ANXA8: variants seen among roughly 807,000 people sequenced by gnomAD.
ANXA8 encodes the protein annexin A8, also known as VAC-beta.
In ANXA8, 9 loss-of-function variants were observed where a neutral mutation model predicts 26.8. The observed-to-expected ratio is 0.34, with a 90% CI of 0.20 to 0.59. The LOEUF (loss-of-function observed/expected upper bound fraction) is 0.59. Ranked by LOEUF, ANXA8 falls within the 20% of genes least tolerant of loss-of-function variation. ANXA8 has a pLI of 0.84. For missense variants in ANXA8, 83 were observed against 238.5 expected (o/e 0.35, Z 4.29); for synonymous variants, 39 against 94.8 (o/e 0.41, Z 3.42).
the ANXA8 span, among the ~76,000 whole-genome samples, chr10:47,674,554 T>C: frequency 2.6e-3 from 396 of 151,672 alleles, 10 homozygotes; most frequent in African/African-American, 9.4e-3. Flanking sequence ...AAAGTTACTC[T>C]TTTTTCTCCT....
the ANXA8 span, among the ~76,000 whole-genome samples, chr10:47,646,173 T>G: frequency 6.8e-6 from 1 of 146,732 alleles, no homozygotes; most frequent in East Asian, 1.9e-4. Context: ...TCTGTCTTAG[T>G]TATCTATCTC....
At chr10:47,709,443 T>A in the ANXA8 span, among the ~76,000 whole-genome samples, 3 of 150,792 alleles carry the variant, frequency 2.0e-5, no homozygotes, top group South Asian at 4.1e-4. Context: ...GCAAAACTCA[T>A]CAGCCTGTAC....
chr10:47,624,139 G>T, the ANXA8 span, among the ~76,000 whole-genome samples: 5 of 102,870 alleles, frequency 4.9e-5, 1 homozygote, highest in Admixed American at 1.0e-4. Context: ...CTACTCGGGA[G>T]GCTGAGGCAG....
the ANXA8 span, among the ~76,000 whole-genome samples, chr10:47,891,593 GAAAAA>G: frequency 0.42 from 1,121 of 2,674 alleles, 57 homozygotes; most frequent in Middle Eastern, 0.67. Flanking sequence ...CAAATAAATA[GAAAAA>G]AAAAAAAAAA....
the ANXA8 span, among the ~76,000 whole-genome samples, chr10:47,894,934 A>C: frequency 6.6e-5 from 10 of 151,888 alleles, no homozygotes; most frequent in African/African-American, 2.2e-4. Context: ...CACACACCAC[A>C]TAACACAGCA....
chr10:47,929,842 A>T, the ANXA8 span, among the ~76,000 whole-genome samples: 1 of 151,348 alleles, frequency 6.6e-6, no homozygotes, highest in Non-Finnish European at 1.5e-5. Flanking sequence ...CTCCCTACTG[A>T]GATCATGGCA....
the ANXA8 span, among the ~76,000 whole-genome samples, chr10:47,570,338 A>G: frequency 5.3e-5 from 3 of 56,802 alleles, no homozygotes; most frequent in African/African-American, 1.6e-4. Flanking sequence ...GAATGTTAAT[A>G]GTTACTTAAT....
the ANXA8 span, among the ~76,000 whole-genome samples, chr10:47,625,792 C>A: frequency 2.0e-3 from 304 of 150,504 alleles, 6 homozygotes; most frequent in African/African-American, 7.3e-3. Context: ...TTCGCCGTAG[C>A]CACCATGATG....
the ANXA8 span, among the ~76,000 whole-genome samples, chr10:47,668,713 A>AT: frequency 6.7e-6 from 1 of 150,340 alleles, no homozygotes; most frequent in Non-Finnish European, 1.5e-5. Flanking sequence ...TTCCTTTTCT[A>AT]TTTTTTGTTT....
chr10:47,527,580 C>T, the ANXA8 span, among the ~76,000 whole-genome samples: 66 of 148,152 alleles, frequency 4.5e-4, no homozygotes, highest in African/African-American at 1.6e-3. Flanking sequence ...ATGTATTATC[C>T]CAATGCAGAG....
the ANXA8 span, among the ~76,000 whole-genome samples, chr10:47,655,684 G>A: frequency 1.8e-4 from 28 of 151,958 alleles, no homozygotes; most frequent in African/African-American, 5.3e-4. Context: ...TAGAGACAAC[G>A]TTCCCAAGTC....
At chr10:47,967,979 A>AT in the ANXA8 span, among the ~76,000 whole-genome samples, 5 of 149,878 alleles carry the variant, frequency 3.3e-5, no homozygotes, top group Non-Finnish European at 7.5e-5. Flanking sequence ...GTGCAAAAAA[A>AT]AAACCTATAT....
chr10:47,942,590 G>C, the ANXA8 span, among the ~76,000 whole-genome samples: 1 of 142,482 alleles, frequency 7.0e-6, no homozygotes, highest in Non-Finnish European at 1.5e-5. Flanking sequence ...AGAAATACAC[G>C]TGTTTGGACA....
chr10:47,593,707 C>G, the ANXA8 span, among the ~76,000 whole-genome samples: 1 of 149,388 alleles, frequency 6.7e-6, no homozygotes, highest in Non-Finnish European at 1.5e-5. Flanking sequence ...ACATACACCA[C>G]TGTCATACTT....
chr10:47,667,225 GA>G, the ANXA8 span, among the ~76,000 whole-genome samples: 1 of 151,998 alleles, frequency 6.6e-6, no homozygotes, highest in African/African-American at 2.4e-5. Flanking sequence ...TATGTTTTCT[GA>G]AAACACTTTA....
the ANXA8 span, among the ~76,000 whole-genome samples, chr10:47,699,837 A>T: frequency 6.6e-6 from 1 of 151,746 alleles, no homozygotes; most frequent in Non-Finnish European, 1.5e-5. Flanking sequence ...GTCTCAAAAA[A>T]AAATAATAAT....
At chr10:47,955,073 A>G in the ANXA8 span, among the ~76,000 whole-genome samples, 1 of 146,156 alleles carries the variant, frequency 6.8e-6, no homozygotes, top group African/African-American at 2.5e-5. Flanking sequence ...CAATGGAATC[A>G]TGGGGGCAGA....
the ANXA8 span, among the ~76,000 whole-genome samples, chr10:47,650,770 G>A: frequency 6.8e-6 from 1 of 146,750 alleles, no homozygotes; most frequent in Admixed American, 6.7e-5. Flanking sequence ...TCGCACCACT[G>A]CACTCCAGCC....
the ANXA8 span, among the ~76,000 whole-genome samples, chr10:47,655,689 C>T: frequency 1.3e-5 from 2 of 151,928 alleles, no homozygotes; most frequent in Non-Finnish European, 2.9e-5. Flanking sequence ...ACAACGTTCC[C>T]AAGTCTTTAG....
Sources: allele counts gnomAD v4.1 joint callset (sites outside exome capture counted in the v4.1 genomes callset), GRCh38; gene constraint gnomAD v4.1.1; transcripts MANE v1.5; gene names NCBI Gene and HGNC (gene_info 2026-07-23, HGNC 2026-07-21).